The following EPSTI1 variants were observed in gnomAD, a reference collection of about 807,000 sequenced individuals.
EPSTI1 encodes epithelial-stromal interaction protein 1.
Under a neutral mutation model 49.9 loss-of-function variants are expected in EPSTI1, and 66 were observed. The ratio of observed to expected loss-of-function variants is 1.32; its 90% confidence interval spans 1.08 to 1.62. EPSTI1 has a LOEUF of 1.62. Ranked by LOEUF, EPSTI1 falls within the 40% of genes most tolerant of loss-of-function variation. The pLI is 0.00. For missense variants in EPSTI1, 394 were observed against 365.5 expected, an observed-to-expected ratio of 1.08 and a Z score of -0.64; for synonymous variants, 137 against 130.7, an observed-to-expected ratio of 1.05 and a Z score of -0.33.
At chr13:42,896,949 A>AATT (rs1326615836) in intron 9 of EPSTI1, among the ~76,000 whole-genome samples, 4 of 151,978 alleles carry the variant, frequency 2.6e-5, no homozygotes, top group African/African-American at 9.7e-5. Context: ...AAAACACAAA[A>AATT]ATTAGCCCGG....
intron 7 of EPSTI1, among the ~76,000 whole-genome samples, chr13:42,923,428 G>T (rs990235542): frequency 1.3e-5 from 2 of 152,300 alleles, no homozygotes; most frequent in African/African-American, 4.8e-5. Context: ...GGGCGTGGGG[G>T]TGCGTGCCTG....
intron 6 of EPSTI1, among the ~76,000 whole-genome samples, chr13:42,931,107 T>C (rs901789963): frequency 6.6e-6 from 1 of 151,816 alleles, no homozygotes; most frequent in Non-Finnish European, 1.5e-5. Context: ...CTTAATACTC[T>C]TTCCTCCTTC....
chr13:42,897,940 A>G (rs900143171), intron 9 of EPSTI1, among the ~76,000 whole-genome samples: 1 of 152,204 alleles, frequency 6.6e-6, no homozygotes, highest in African/African-American at 2.4e-5. Flanking sequence ...TTGGATAAAA[A>G]CTATTATTCA....
intron 3 of EPSTI1, among the ~76,000 whole-genome samples, chr13:42,964,742 A>T (rs148557249): frequency 6.6e-6 from 1 of 152,356 alleles, no homozygotes; most frequent in African/African-American, 2.4e-5. Context: ...CAAAATAAAA[A>T]TATGGATGTT....
intron 10 of EPSTI1, among the ~76,000 whole-genome samples, chr13:42,888,946 A>G (rs2036946629): frequency 6.6e-6 from 1 of 152,226 alleles, no homozygotes; most frequent in Non-Finnish European, 1.5e-5. Flanking sequence ...TAGATTGGTG[A>G]GTCTCCACTC....
intron 6 of EPSTI1, among the ~76,000 whole-genome samples, chr13:42,949,655 A>G (rs2039037025): frequency 6.6e-6 from 1 of 151,882 alleles, no homozygotes; most frequent in Non-Finnish European, 1.5e-5. Context: ...AGTGGCTGTT[A>G]GACATGAATT....
intron 6 of EPSTI1, among the ~76,000 whole-genome samples, chr13:42,949,591 C>CAAAAAAAAAA (rs199737689): frequency 1.2e-5 from 1 of 80,208 alleles, no homozygotes. Context: ...GACTCCATGT[C>CAAAAAAAAAA]AAAAAAAAAA....
intron 8 of EPSTI1, among the ~76,000 whole-genome samples, chr13:42,902,389 G>T (rs1372939514): frequency 1.3e-5 from 2 of 152,132 alleles, no homozygotes; most frequent in Admixed American, 6.6e-5. Context: ...CTGTCTTACT[G>T]CTTCTTTCAG....
chr13:42,963,240 C>G lies in EPSTI1; in HGVS notation c.489+15G>C, dbSNP rs367652602. On this transcript the variant is annotated intron_variant, in intron 5 of 10. Transcript: ENST00000313624. ...TGTTGATCAGCAAATGTGAACTAAT[C>G]CTCCTCCTCCTTACCTTCTCTCTCT... 2 of 1,591,198 alleles carry G rather than the reference C, an allele frequency of 1.3e-6. No individual in the cohort carries two copies. Among genetic ancestry groups the G allele is most frequent in the Admixed American group, 1.7e-5 (1 of 59,060 alleles).
intron 8 of EPSTI1, among the ~76,000 whole-genome samples, chr13:42,912,390 T>C (rs1401680638): frequency 1.3e-5 from 2 of 152,252 alleles, no homozygotes; most frequent in Admixed American, 6.5e-5. Context: ...AAGAAGTGAA[T>C]GAGAGAGGCA....
chr13:42,944,980 A>C (rs1305896531), intron 6 of EPSTI1, among the ~76,000 whole-genome samples: 1 of 152,168 alleles, frequency 6.6e-6, no homozygotes, highest in African/African-American at 2.4e-5. Context: ...AAGACACCTC[A>C]TCATAGACCT....
chr13:42,920,144 G>A (rs1415529279), intron 7 of EPSTI1, among the ~76,000 whole-genome samples: 1 of 152,134 alleles, frequency 6.6e-6, no homozygotes, highest in Non-Finnish European at 1.5e-5. Context: ...CCTCTGTAAA[G>A]ATGCTATCTC....
At chr13:42,925,374 G>T (rs1029346156) in intron 7 of EPSTI1, among the ~76,000 whole-genome samples, 1 of 152,120 alleles carries the variant, frequency 6.6e-6, no homozygotes, top group African/African-American at 2.4e-5. Context: ...TTCTGTGGTG[G>T]TTTTCTACCA....
In EPSTI1 at chr13:42,934,634, G is replaced by GGT. The variant is rs72523223; in HGVS notation, c.564-8206_564-8205insAC. ...CTTCATGCTGGGGTTGTGGTTGGGG[G>GGT]GACGTTGTAATGGTCCTGAGCTTTC... is the stretch of plus-strand genomic sequence containing the variant. On this transcript the variant is annotated intron_variant, in intron 6 of 10. Transcript: ENST00000313624. 1,339 of 158,680 alleles carry GGT rather than the reference G, an allele frequency of 8.4e-3. 23 individuals are homozygous for GGT. Among genetic ancestry groups the GGT allele is most frequent in the African/African-American group, 0.03 (1,238 of 41,468 alleles). The allele number at this position is 158,680 out of a possible 1,614,324, so 9.8% of individuals were successfully genotyped here. A position where few individuals can be genotyped will look rare whatever the true frequency, so the allele number is the denominator to read the frequency against.
intron 10 of EPSTI1, among the ~76,000 whole-genome samples, chr13:42,890,517 C>T (rs539409640): frequency 5.7e-4 from 86 of 152,190 alleles, no homozygotes; most frequent in Non-Finnish European, 1.1e-3. Flanking sequence ...CCAGGATGGT[C>T]TCGATCTCCT....
chr13:42,959,528 G>A (rs2039378947), intron 5 of EPSTI1, among the ~76,000 whole-genome samples: 2 of 152,190 alleles, frequency 1.3e-5, no homozygotes, highest in Admixed American at 6.5e-5. Flanking sequence ...AGCAACAAGT[G>A]TGATCCCTTA....
rs555740921 is a variant in EPSTI1 at position 42,918,242 on chromosome 13, C to T, written c.658-618G>A. On this transcript the variant is annotated intron_variant, in intron 7 of 10. Transcript: ENST00000313624. ...CCAGCACATGAGGGAGAATGCCCTT[C>T]GGTGTCTCTGACCCACCACACCAGA... 3.3e-5 allele frequency among the ~76,000 whole-genome samples: 5 copies of T among 152,174 alleles called. 1 individual carries two copies. The South Asian group carries it at 6.2e-4, about 19-fold the overall frequency.
chr13:42,925,361 A>C (rs1016491952), intron 7 of EPSTI1, among the ~76,000 whole-genome samples: 2 of 152,120 alleles, frequency 1.3e-5, no homozygotes, highest in African/African-American at 4.8e-5. Context: ...GTGGCATGCA[A>C]ATTTCTGTGG....
At chr13:42,924,702 G>A (rs1340906987) in intron 7 of EPSTI1, among the ~76,000 whole-genome samples, 2 of 152,186 alleles carry the variant, frequency 1.3e-5, no homozygotes, top group African/African-American at 4.8e-5. Flanking sequence ...AGCAGTGAGG[G>A]AAGAGAGATG....
Sources: allele counts gnomAD v4.1 joint callset (sites outside exome capture counted in the v4.1 genomes callset), GRCh38; gene constraint gnomAD v4.1.1; transcripts MANE v1.5; gene names NCBI Gene and HGNC (gene_info 2026-07-23, HGNC 2026-07-21).